SULT1C4: variants seen among roughly 807,000 people sequenced by gnomAD.
The protein encoded by SULT1C4 is sulfotransferase family 1C member 4, also known as sulfotransferase 1C4.
A neutral mutation model predicts 34.8 loss-of-function variants in SULT1C4; 32 were observed. The ratio of observed to expected loss-of-function variants is 0.92; its 90% CI spans 0.69 to 1.23. The LOEUF is 1.23. SULT1C4 is among the 50% of genes most tolerant of loss of function. The probability of loss-of-function intolerance (pLI) is 0.00; values close to 1 mark genes in which losing one functional copy is unlikely to be tolerated. For missense variants in SULT1C4, 375 were observed against 365.9 expected (o/e 1.02, Z -0.20); for synonymous variants, 111 against 120.5 (o/e 0.92, Z 0.51).
intron 2 of SULT1C4, 139 bp from the exon 3 acceptor site, chr2:108,382,246 T>C (rs1678423800): frequency 6.7e-6 from 5 of 741,832 alleles, no homozygotes; most frequent in Non-Finnish European, 1.2e-5. Flanking sequence ...AGGCTAGACG[T>C]ATTCTCTCAC....
At chr2:108,381,923 A>T (rs1678411126) in intron 2 of SULT1C4, 36 bp downstream of exon 2, 1 of 1,431,648 alleles carries the variant, frequency 7.0e-7, no homozygotes, top group East Asian at 2.6e-5. Flanking sequence ...TACAGTCCTA[A>T]AATGCACTTA....
At chr2:108,385,764 C>T (rs1169910531) in intron 5 of SULT1C4, among the ~76,000 whole-genome samples, 1 of 152,220 alleles carries the variant, frequency 6.6e-6, no homozygotes, top group African/African-American at 2.4e-5. Flanking sequence ...CTCCTCTCCT[C>T]CTGCCATCAC....
chr2:108,383,386 C>T (rs1678477302), intron 4 of SULT1C4, 30 bp from the exon 5 acceptor site: 1 of 1,608,220 alleles, frequency 6.2e-7, no homozygotes, highest in Non-Finnish European at 8.5e-7. Context: ...CTCTGTGACT[C>T]ATTGTCCTGT....
rs931185845 is a variant in SULT1C4 at position 108,388,334 on chromosome 2, G to A, written c.*902G>A. ...TGCTACAATCCTGGAGTCACCTCTT[G>A]ACTCATCTTTCCCATTGCCACCACA... On this transcript the variant is annotated 3_prime_UTR_variant, in exon 7 of 7. Transcript: ENST00000272452. Among the ~76,000 whole-genome samples, 2 of 151,986 alleles carry A rather than the reference G, an allele frequency of 1.3e-5. No individual in the cohort carries two copies. The highest frequency in any genetic ancestry group is 4.8e-5 in the African/African-American group (2 of 41,322).
chr2:108,382,264 C>A, intron 2 of SULT1C4, 121 bp from the exon 3 acceptor site: 1 of 808,698 alleles, frequency 1.2e-6, no homozygotes. Context: ...CACACCAGAT[C>A]TACAGTTACA....
In SULT1C4 at chr2:108,387,701, T is replaced by G. The variant is rs1473969171; in HGVS notation, c.*269T>G. 4 of 355,664 alleles carry G rather than the reference T, an allele frequency of 1.1e-5. No individual in the cohort carries two copies. The highest frequency in any genetic ancestry group is 4.2e-5 in the African/African-American group (2 of 47,372). 22.0% of individuals were successfully genotyped at this position (355,664 alleles called of 1,614,324 possible). On this transcript the variant is annotated 3_prime_UTR_variant, in exon 7 of 7. Coordinates refer to ENST00000272452, the MANE Select transcript of SULT1C4 (RefSeq NM_006588.4). ...TGCCAATTATCATCATATTTACATT[T>G]TCTACAATCATGTGCTTATTAACAT...
At chr2:108,383,641 C>T (rs950068815) in intron 5 of SULT1C4, 131 bp downstream of exon 5, 1 of 717,684 alleles carries the variant, frequency 1.4e-6, no homozygotes. Flanking sequence ...TTACAGCTGT[C>T]ATTTGTCAAA....
chr2:108,383,799 A>G (rs1462100581), intron 5 of SULT1C4, among the ~76,000 whole-genome samples: 1 of 151,996 alleles, frequency 6.6e-6, no homozygotes, highest in South Asian at 2.1e-4. Flanking sequence ...CTATTTTAAA[A>G]TGCAGTTTAG....
chr2:108,383,048 C>T, intron 3 of SULT1C4, 45 bp from the exon 4 acceptor site: 2 of 1,446,792 alleles, frequency 1.4e-6, no homozygotes, highest in Non-Finnish European at 1.8e-6. Context: ...AAAAAAAATT[C>T]CTGTTTTTTT....
In SULT1C4 at chr2:108,386,250, A is replaced by G. The variant is rs776483720; in HGVS notation, c.674A>G (p.Lys225Arg). 6.4e-7 allele frequency: 1 copy of G among 1,567,060 alleles called. No homozygotes were observed. The highest frequency in any genetic ancestry group is 1.8e-5 in the Admixed American group (1 of 54,416). The change falls in exon 6 of 7, where the codon AAA becomes AGA. Residue 225 changes from lysine (K) to arginine (R), a missense_variant. By Grantham distance (26) the Lys-to-Arg change is conservative. Coordinates refer to ENST00000272452, the MANE Select transcript of SULT1C4 (RefSeq NM_006588.4). ...TTTATTGGGAAGAAATTAGATGACAAAGTTCTAGATAAAATTGTCCATTAC... is the reference window on the plus strand; with the variant it reads ...TTTATTGGGAAGAAATTAGATGACAGAGTTCTAGATAAAATTGTCCATTAC... ...AEFIGKKLDD[K>R]VLDKIVHYTS...
Position 108,379,818 on chromosome 2 carries a change from C to A in SULT1C4, c.169+1312C>A, listed in dbSNP as rs17036285. 5.6e-3 allele frequency among the ~76,000 whole-genome samples: 860 copies of A among 152,288 alleles called. 12 individuals carry two copies. Among genetic ancestry groups the A allele is most frequent in the African/African-American group, 0.02 (833 of 41,564 alleles). On this transcript the variant is annotated intron_variant, in intron 1 of 6. Transcript: ENST00000272452. ...AAGAAAAAAATACATCATAGAATCA[C>A]TGGCCTCTAGAGAATAAATTGAGAA...
intron 3 of SULT1C4, 56 bp from the exon 4 acceptor site, chr2:108,383,037 A>G: frequency 6.6e-7 from 1 of 1,516,046 alleles, no homozygotes; most frequent in Non-Finnish European, 8.8e-7. Context: ...CAAAAAAAAA[A>G]AAAAAAAATT....
chr2:108,384,481 C>T (rs990283119), intron 5 of SULT1C4, among the ~76,000 whole-genome samples: 1 of 152,204 alleles, frequency 6.6e-6, no homozygotes, highest in Non-Finnish European at 1.5e-5. Flanking sequence ...CCCGCCTCGG[C>T]CTCCCAAAGT....
At chr2:108,385,387 T>A (rs1490351989) in intron 5 of SULT1C4, among the ~76,000 whole-genome samples, 1 of 152,218 alleles carries the variant, frequency 6.6e-6, no homozygotes, top group Non-Finnish European at 1.5e-5. Context: ...ATTGCTGTGA[T>A]CTTGTTCTTG....
At chr2:108,380,739 C>A (rs557347042) in intron 1 of SULT1C4, among the ~76,000 whole-genome samples, 7 of 152,290 alleles carry the variant, frequency 4.6e-5, no homozygotes, top group South Asian at 4.1e-4. Context: ...GTCTAGGGCA[C>A]TGGGCCATGG....
At chr2:108,381,954 CCT>C in intron 2 of SULT1C4, 67 bp downstream of exon 2, 1 of 1,393,192 alleles carries the variant, frequency 7.2e-7, no homozygotes, top group Non-Finnish European at 9.4e-7. Flanking sequence ...TGTCTTTGCA[CCT>C]TTCGAAATTA....
intron 1 of SULT1C4, among the ~76,000 whole-genome samples, 153 bp downstream of exon 1, chr2:108,378,659 C>T (rs1348933157): frequency 4.6e-5 from 7 of 150,838 alleles, no homozygotes; most frequent in Non-Finnish European, 1.0e-4. Flanking sequence ...GAAGCTATAC[C>T]GAAACATACT....
intron 5 of SULT1C4, among the ~76,000 whole-genome samples, chr2:108,385,718 T>A (rs1013440712): frequency 9.9e-5 from 15 of 152,090 alleles, no homozygotes; most frequent in Non-Finnish European, 2.1e-4. Context: ...TCACTAGCCA[T>A]GAGTGCCTCT....
At chr2:108,382,929 AAAGTCT>A in intron 3 of SULT1C4, 158 bp from the exon 4 acceptor site, 1 of 385,494 alleles carries the variant, frequency 2.6e-6, no homozygotes, top group Non-Finnish European at 4.0e-6. Flanking sequence ...AAAAAAAAAA[AAAGTCT>A]CCCATAACCA....
Sources: gnomAD v4.1 joint callset for allele counts (sites outside exome capture counted in the v4.1 genomes callset) on GRCh38, gnomAD v4.1.1 for gene constraint, MANE v1.5 for transcripts, NCBI Gene and HGNC (gene_info 2026-07-23, HGNC 2026-07-21) for gene names.